The following ENOX1 variants were observed in gnomAD, a reference collection of about 807,000 sequenced individuals.
ENOX1 encodes the protein ecto-NOX disulfide-thiol exchanger 1.
A neutral mutation model predicts 82.5 loss-of-function variants in ENOX1; 42 were observed. The observed-to-expected ratio is 0.51, with a 90% CI of 0.40 to 0.66. The LOEUF (loss-of-function observed/expected upper bound fraction) is 0.66, where lower values mean the gene tolerates loss of function less well. ENOX1 is among the 30% of genes least tolerant of loss of function. The pLI, the probability that ENOX1 is intolerant of heterozygous loss-of-function variation, is 0.00. For synonymous variants in ENOX1, 271 were observed against 282.2 expected (o/e 0.96, Z 0.40); for missense variants, 608 against 811.6 (o/e 0.75, Z 3.05).
At chr13:43,289,525 A>AAGAT (rs1439321018) in intron 12 of ENOX1, among the ~76,000 whole-genome samples, 3 of 152,206 alleles carry the variant, frequency 2.0e-5, no homozygotes, top group Non-Finnish European at 4.4e-5. Flanking sequence ...CCTTAGACAG[A>AAGAT]AGATTGAAGC....
At chr13:43,524,913 C>G (rs924685450) in intron 2 of ENOX1, among the ~76,000 whole-genome samples, 3 of 152,018 alleles carry the variant, frequency 2.0e-5, no homozygotes, top group Non-Finnish European at 2.9e-5. Context: ...AGCATGAAGT[C>G]TGAGTGGTAA....
chr13:43,417,242 C>CGGGAGACGGGAGACGGGAGA (rs1400166015), intron 3 of ENOX1, among the ~76,000 whole-genome samples: 5 of 82,856 alleles, frequency 6.0e-5, no homozygotes, highest in South Asian at 5.5e-4. Context: ...AGACGGGAGA[C>CGGGAGACGGGAGACGGGAGA]GGGAGAGGGA....
chr13:43,445,510 G>A (rs1003525485), intron 3 of ENOX1, among the ~76,000 whole-genome samples: 2 of 152,080 alleles, frequency 1.3e-5, no homozygotes, highest in African/African-American at 4.8e-5. Flanking sequence ...CAGGGAACAT[G>A]GTCCAGGACT....
rs149042605 is a variant in ENOX1 at position 43,559,496 on chromosome 13, T to G, written c.-218-75344A>C. ...GGAGCCCAATTCCCAAATTGCAGAT[T>G]TAGGTCTTACTGTCTCTCAGGCAGA... On this transcript the variant is annotated intron_variant, in intron 2 of 16. Transcript: ENST00000690772. Among the ~76,000 whole-genome samples the G allele has an allele frequency of 5.9e-5, 9 of 152,274 alleles. No individual in the cohort carries two copies. In the East Asian group the frequency reaches 7.7e-4, roughly 13 times the overall value.
intron 9 of ENOX1, among the ~76,000 whole-genome samples, chr13:43,342,892 C>T (rs1400352679): frequency 6.6e-6 from 1 of 152,206 alleles, no homozygotes; most frequent in Non-Finnish European, 1.5e-5. Flanking sequence ...TGCGTTCTTT[C>T]AGCCACATCA....
At chr13:43,391,894 AT>A (rs2052801834) in intron 5 of ENOX1, among the ~76,000 whole-genome samples, 1 of 152,146 alleles carries the variant, frequency 6.6e-6, no homozygotes, top group Non-Finnish European at 1.5e-5. Context: ...CAATCAATTA[AT>A]TTTAGAATTA....
chr13:43,644,705 C>T (rs2083813534), intron 2 of ENOX1, among the ~76,000 whole-genome samples: 2 of 152,170 alleles, frequency 1.3e-5, no homozygotes, highest in Admixed American at 1.3e-4. Context: ...ATACAATTTA[C>T]AGATAAGAAA....
intron 3 of ENOX1, among the ~76,000 whole-genome samples, chr13:43,430,142 T>C (rs2055571033): frequency 6.6e-6 from 1 of 152,250 alleles, no homozygotes; most frequent in South Asian, 2.1e-4. Context: ...GTGCACAAAA[T>C]ATGCATTTTG....
At chr13:43,477,180 T>C (rs2058322149) in intron 3 of ENOX1, among the ~76,000 whole-genome samples, 1 of 148,244 alleles carries the variant, frequency 6.7e-6, no homozygotes, top group Non-Finnish European at 1.5e-5. Flanking sequence ...TATATATATA[T>C]AGTATACACA....
chr13:43,472,493 C>G (rs556184186), intron 3 of ENOX1, among the ~76,000 whole-genome samples: 2 of 152,080 alleles, frequency 1.3e-5, no homozygotes, highest in Non-Finnish European at 2.9e-5. Flanking sequence ...GACTTTCATT[C>G]CAGGAAAATT....
chr13:43,537,036 A>ACCATACTTTACCAC, intron 2 of ENOX1, among the ~76,000 whole-genome samples: 1 of 152,246 alleles, frequency 6.6e-6, no homozygotes, highest in East Asian at 1.9e-4. Flanking sequence ...TGAAAAAACC[A>ACCATACTTTACCAC]CACATAGGTA....
intron 14 of ENOX1, among the ~76,000 whole-genome samples, chr13:43,254,247 G>A (rs901616395): frequency 2.6e-5 from 4 of 152,182 alleles, no homozygotes; most frequent in Admixed American, 6.5e-5. Context: ...AAGAAGGTTC[G>A]GACATAGAGT....
At chr13:43,265,343 A>G in intron 14 of ENOX1, 55 bp downstream of exon 14, 1 of 1,471,702 alleles carries the variant, frequency 6.8e-7, no homozygotes, top group Non-Finnish European at 9.4e-7. Context: ...CTACATCCCC[A>G]TGTGTTCAAC....
At chr13:43,617,232 G>T (rs903072903) in intron 2 of ENOX1, among the ~76,000 whole-genome samples, 1 of 152,150 alleles carries the variant, frequency 6.6e-6, no homozygotes, top group Non-Finnish European at 1.5e-5. Flanking sequence ...TGGGCATTCC[G>T]TGTGTTTCTG....
intron 1 of ENOX1, among the ~76,000 whole-genome samples, chr13:43,699,409 C>A (rs912743865): frequency 6.6e-6 from 1 of 152,170 alleles, no homozygotes; most frequent in Non-Finnish European, 1.5e-5. Context: ...TGCTAGAGGG[C>A]AGATATGCAA....
intron 1 of ENOX1, among the ~76,000 whole-genome samples, chr13:43,686,132 G>A (rs2086062806): frequency 2.0e-5 from 3 of 152,124 alleles, no homozygotes; most frequent in Admixed American, 2.0e-4. Flanking sequence ...AATAACAAAA[G>A]ATAACCTTAA....
At chr13:43,559,158 G>C (rs551985834) in intron 2 of ENOX1, among the ~76,000 whole-genome samples, 1 of 152,204 alleles carries the variant, frequency 6.6e-6, no homozygotes, top group Non-Finnish European at 1.5e-5. Context: ...GAATTCAGCT[G>C]TGCCTGTACA....
At chr13:43,686,740 C>A (rs1307309683) in intron 1 of ENOX1, among the ~76,000 whole-genome samples, 1 of 152,124 alleles carries the variant, frequency 6.6e-6, no homozygotes, top group African/African-American at 2.4e-5. Context: ...TTGGGGAGGT[C>A]AGGGAGGGGT....
Position 43,228,095 on chromosome 13 carries a change from CTTTTTTTTTTTT to C in ENOX1, c.1715-3969_1715-3958del, listed in dbSNP as rs551861545. 2.4e-3 allele frequency among the ~76,000 whole-genome samples: 204 copies of C among 84,726 alleles called. 1 individual carries two copies. Among genetic ancestry groups the C allele is most frequent in the African/African-American group, 9.1e-3 (197 of 21,562 alleles). 55.6% of individuals were successfully genotyped at this position (84,726 alleles called of 152,430 possible). On this transcript the variant is annotated intron_variant, in intron 15 of 16. Transcript: ENST00000690772. Reference sequence around the variant, plus strand: ...ATAAACAAGTAAAGCCTCTTTGCAGCTTTTTTTTTTTTTTTTTTTTTTTTTTAAAGGAACTGG... The same window carrying C: ...ATAAACAAGTAAAGCCTCTTTGCAGCTTTTTTTTTTTTTTAAAGGAACTGG...
Sources: gnomAD v4.1 joint callset for allele counts (sites outside exome capture counted in the v4.1 genomes callset) on GRCh38, gnomAD v4.1.1 for gene constraint, MANE v1.5 for transcripts, NCBI Gene and HGNC (gene_info 2026-07-23, HGNC 2026-07-21) for gene names.